SLC24A2: variants seen among roughly 807,000 people sequenced by gnomAD.
SLC24A2 encodes solute carrier family 24 member 2.
A neutral mutation model predicts 62.0 loss-of-function variants in SLC24A2; 36 were observed. The observed-to-expected ratio is 0.58, with a 90% CI of 0.44 to 0.77. The LOEUF is 0.77. Ranked by LOEUF, SLC24A2 falls within the 30% of genes least tolerant of loss-of-function variation. The pLI is 0.00. For synonymous variants in SLC24A2, 358 were observed against 294.0 expected (o/e 1.22, Z -2.23); for missense variants, 846 against 817.9 (o/e 1.03, Z -0.42).
rs1297797386 is a variant in SLC24A2, at chr9:19,599,873, A to T, written c.1079-2594T>A. Among the ~76,000 whole-genome samples, 1 of 152,132 alleles carries T rather than the reference A, an allele frequency of 6.6e-6. No homozygotes were observed. Among genetic ancestry groups the T allele is most frequent in the East Asian group, 1.9e-4 (1 of 5,198 alleles). On this transcript the variant is annotated intron_variant, in intron 4 of 10. Transcript: ENST00000341998. This position sits in a 1 kb window ranked among gnomAD's most constrained non-coding sequence, Gnocchi z 4.5. ...CCCGGGAGGCGCTCACCGGCATAGG[A>T]ATGTGGCTTGCAACCAGCACACTCT...
chr9:20,242,868 C>G, the SLC24A2 span, among the ~76,000 whole-genome samples: 1 of 152,190 alleles, frequency 6.6e-6, no homozygotes, highest in African/African-American at 2.4e-5. Flanking sequence ...GCGAGGCAAT[C>G]TATGCAAACC....
the SLC24A2 span, among the ~76,000 whole-genome samples, chr9:20,301,084 C>T: frequency 4.6e-5 from 7 of 152,308 alleles, no homozygotes; most frequent in South Asian, 2.1e-4. Flanking sequence ...CCTCTTCTCC[C>T]ACCTGAAGAG....
intron 2 of SLC24A2, among the ~76,000 whole-genome samples, chr9:19,655,475 T>A (rs1818918724): frequency 6.6e-6 from 1 of 152,216 alleles, no homozygotes; most frequent in African/African-American, 2.4e-5. Flanking sequence ...AAATTATGCC[T>A]AATGGTCTCT....
intron 2 of SLC24A2, among the ~76,000 whole-genome samples, chr9:19,627,754 G>A (rs940889295): frequency 6.6e-6 from 1 of 151,992 alleles, no homozygotes; most frequent in Non-Finnish European, 1.5e-5. Flanking sequence ...GACTGGTCTC[G>A]AACTCCTAGT....
intron 2 of SLC24A2, among the ~76,000 whole-genome samples, chr9:19,720,280 A>C (rs1340704201): frequency 6.6e-6 from 1 of 152,216 alleles, no homozygotes; most frequent in Non-Finnish European, 1.5e-5. Flanking sequence ...AAAGCTGAAA[A>C]TATTACATCT....
intron 9 of SLC24A2, among the ~76,000 whole-genome samples, chr9:19,521,890 T>C (rs1365611200): frequency 1.3e-5 from 2 of 150,998 alleles, no homozygotes; most frequent in Non-Finnish European, 3.0e-5. Flanking sequence ...TTTTTTTTGG[T>C]CTTTTTCTTT....
At chr9:19,666,301 G>T (rs2118279672) in intron 2 of SLC24A2, among the ~76,000 whole-genome samples, 1 of 152,306 alleles carries the variant, frequency 6.6e-6, no homozygotes, top group Middle Eastern at 3.4e-3. Flanking sequence ...AGCTACTCAA[G>T]AGGCTGAGGT....
chr9:20,170,835 C>A, the SLC24A2 span, among the ~76,000 whole-genome samples: 1 of 151,992 alleles, frequency 6.6e-6, no homozygotes, highest in East Asian at 1.9e-4. Context: ...TTGCTAGAGA[C>A]CTAGTCATCC....
chr9:19,671,894 G>C lies in SLC24A2; in HGVS notation c.931-49595C>G, dbSNP rs184850349. Among the ~76,000 whole-genome samples the C allele has an allele frequency of 2.5e-3, 367 of 146,240 alleles. 30 individuals carry two copies. Among genetic ancestry groups the C allele is most frequent in the Non-Finnish European group, 4.3e-3 (292 of 67,390 alleles). On this transcript the variant is annotated intron_variant, in intron 2 of 10. Transcript: ENST00000341998. ...GATGTTAAACCATCCCTGCATCCCT[G>C]GTATGAAACCCAATTGATTATGGTG... is the stretch of plus-strand genomic sequence containing the variant.
At chr9:19,928,767 G>A in the SLC24A2 span, 1 of 152,322 alleles carries the variant, frequency 6.6e-6, no homozygotes, top group African/African-American at 2.4e-5. Context: ...CAAAAACTTA[G>A]AATGACCTTT....
chr9:19,941,590 T>TGTGAGA, the SLC24A2 span, among the ~76,000 whole-genome samples: 2,678 of 127,920 alleles, frequency 0.021, 29 homozygotes, highest in Non-Finnish European at 0.027. Flanking sequence ...TGTGTGTGTG[T>TGTGAGA]GAGAGAGAGA....
At chr9:20,056,980 G>A in the SLC24A2 span, among the ~76,000 whole-genome samples, 1 of 152,228 alleles carries the variant, frequency 6.6e-6, no homozygotes, top group East Asian at 1.9e-4. Context: ...AATACTGGGA[G>A]AAATTCTGTC....
chr9:20,010,796 T>C, the SLC24A2 span, among the ~76,000 whole-genome samples: 1 of 134,640 alleles, frequency 7.4e-6, no homozygotes, highest in African/African-American at 2.7e-5. Context: ...TGTGTGATGT[T>C]CCCCTTCCTG....
At chr9:20,232,721 G>C in the SLC24A2 span, among the ~76,000 whole-genome samples, 1 of 152,020 alleles carries the variant, frequency 6.6e-6, no homozygotes, top group East Asian at 1.9e-4. Flanking sequence ...AGGGTTTTTT[G>C]TGTCTCTATT....
At chr9:19,581,114 A>G (rs550477732) in intron 5 of SLC24A2, among the ~76,000 whole-genome samples, 3 of 152,264 alleles carry the variant, frequency 2.0e-5, no homozygotes, top group Admixed American at 2.0e-4. Context: ...TCTTCTCTCA[A>G]TCCACACAGG....
rs1171503144 is a variant in SLC24A2, at chr9:19,632,262, T to A, written c.931-9963A>T. Among the ~76,000 whole-genome samples the A allele has an allele frequency of 2.6e-5, 4 of 152,194 alleles. No homozygotes were observed. Among genetic ancestry groups the A allele is most frequent in the African/African-American group, 9.7e-5 (4 of 41,448 alleles). On this transcript the variant is annotated intron_variant, in intron 2 of 10. Coordinates refer to ENST00000341998, the MANE Select transcript of SLC24A2 (RefSeq NM_020344.4). This position sits in a 1 kb window ranked among gnomAD's most constrained non-coding sequence, Gnocchi z 4.5. The stretch of plus-strand genomic sequence containing the variant: ...GGAGTCCAGGCAAATTGTCATTTTA[T>A]CTATGCCTACCTGGGATGTTACCAT...
chr9:19,661,635 A>G (rs909502473), intron 2 of SLC24A2, among the ~76,000 whole-genome samples: 3 of 152,216 alleles, frequency 2.0e-5, no homozygotes, highest in African/African-American at 7.2e-5. Context: ...CATTGGGTTA[A>G]GGAAGTCCAA....
chr9:19,884,103 AAT>A, the SLC24A2 span, among the ~76,000 whole-genome samples: 3 of 152,202 alleles, frequency 2.0e-5, no homozygotes, highest in African/African-American at 7.2e-5. Context: ...CCTCATTCTA[AAT>A]ATATGACATA....
At chr9:20,144,060 C>T in the SLC24A2 span, among the ~76,000 whole-genome samples, 13 of 152,202 alleles carry the variant, frequency 8.5e-5, no homozygotes, top group African/African-American at 2.6e-4. Context: ...TCCAGTACAA[C>T]GGGAAGCAAA....
Sources: gnomAD v4.1 joint callset for allele counts (sites outside exome capture counted in the v4.1 genomes callset) on GRCh38, gnomAD v4.1.1 for gene constraint, Gnocchi (gnomAD v3.1) non-coding constraint, MANE v1.5 for transcripts, NCBI Gene and HGNC (gene_info 2026-07-23, HGNC 2026-07-21) for gene names.